TAFA5: variants seen among roughly 807,000 people sequenced by gnomAD.
The protein encoded by TAFA5 is chemokine-like protein TAFA-5.
In TAFA5, 6 loss-of-function variants were observed where a neutral mutation model predicts 15.3. The ratio of observed to expected loss-of-function variants is 0.39; its 90% CI spans 0.21 to 0.77. The LOEUF (loss-of-function observed/expected upper bound fraction) is 0.77, where lower values mean the gene tolerates loss of function less well. Ranked by LOEUF, TAFA5 falls within the 30% of genes least tolerant of loss-of-function variation. The pLI is 0.41. For synonymous variants in TAFA5, 103 were observed against 80.7 expected, an observed-to-expected ratio of 1.28 and a Z score of -1.48; for missense variants, 161 against 193.1, an observed-to-expected ratio of 0.83 and a Z score of 0.98.
At chr22:48,620,259 T>G (rs1160533137) in intron 1 of TAFA5, among the ~76,000 whole-genome samples, 1 of 152,036 alleles carries the variant, frequency 6.6e-6, no homozygotes, top group African/African-American at 2.4e-5. Flanking sequence ...CTGCAGCGTC[T>G]CCAGGTCCCT....
chr22:48,519,293 C>T (rs1389702628), intron 1 of TAFA5, among the ~76,000 whole-genome samples: 4 of 152,244 alleles, frequency 2.6e-5, no homozygotes, highest in South Asian at 2.1e-4. Context: ...CCAAGAATCC[C>T]GCGTCTTCCC....
intron 1 of TAFA5, among the ~76,000 whole-genome samples, chr22:48,492,506 G>A (rs191220509): frequency 2.6e-5 from 4 of 152,130 alleles, no homozygotes; most frequent in African/African-American, 4.8e-5. Context: ...GTGAGAGTCC[G>A]GCCTTCTTTC....
At chr22:48,667,110 C>G (rs556807117) in intron 2 of TAFA5, among the ~76,000 whole-genome samples, 311 of 152,278 alleles carry the variant, frequency 2.0e-3, no homozygotes, top group Non-Finnish European at 3.4e-3. Flanking sequence ...ACCCTCACCC[C>G]TCCCAGCATG....
In TAFA5 at chr22:48,602,497, G is replaced by A. The variant is rs999127978; in HGVS notation, c.113-44100G>A. On this transcript the variant is annotated intron_variant, in intron 1 of 3. Coordinates refer to ENST00000402357, the MANE Select transcript of TAFA5 (RefSeq NM_001082967.3). ...CATCCGTGGAGGTGGGTCCATCAGC[G>A]TTTCCACCTTGAGTACCTCTCACCC... Among the ~76,000 whole-genome samples the A allele has an allele frequency of 3.3e-5, 5 of 152,182 alleles. 1 individual carries two copies. Among genetic ancestry groups the A allele is most frequent in the Admixed American group, 2.6e-4 (4 of 15,282 alleles).
At chr22:48,573,918 C>T (rs1923671199) in intron 1 of TAFA5, among the ~76,000 whole-genome samples, 2 of 152,076 alleles carry the variant, frequency 1.3e-5, no homozygotes, top group Non-Finnish European at 2.9e-5. Context: ...CCTTTGGGGG[C>T]CAGGGGTGAG....
At chr22:48,528,808 G>A (rs1281393324) in intron 1 of TAFA5, among the ~76,000 whole-genome samples, 1 of 152,222 alleles carries the variant, frequency 6.6e-6, no homozygotes, top group Non-Finnish European at 1.5e-5. Flanking sequence ...CAGGAGCACT[G>A]GGGGAGAAGC....
intron 1 of TAFA5, among the ~76,000 whole-genome samples, chr22:48,637,787 C>G (rs1026975655): frequency 2.6e-5 from 4 of 151,926 alleles, no homozygotes; most frequent in East Asian, 1.9e-4. Flanking sequence ...CCAACACTTT[C>G]ACAGCCACTC....
At chr22:48,502,610 C>T (rs1047983701) in intron 1 of TAFA5, among the ~76,000 whole-genome samples, 4 of 148,132 alleles carry the variant, frequency 2.7e-5, no homozygotes, top group Admixed American at 1.3e-4. Flanking sequence ...CAGCCTCCAC[C>T]TCCCAGGTTC....
intron 1 of TAFA5, among the ~76,000 whole-genome samples, chr22:48,507,665 G>A (rs1921048207): frequency 6.6e-6 from 1 of 152,188 alleles, no homozygotes; most frequent in Admixed American, 6.5e-5. Flanking sequence ...CGCTTGGCCT[G>A]CGGAAGAGAG....
At chr22:48,614,379 C>G (rs757405754) in intron 1 of TAFA5, among the ~76,000 whole-genome samples, 2 of 152,216 alleles carry the variant, frequency 1.3e-5, no homozygotes, top group African/African-American at 4.8e-5. Flanking sequence ...GATACACAGA[C>G]GTTTACCCAT....
At chr22:48,645,920 G>C (rs536413204) in intron 1 of TAFA5, among the ~76,000 whole-genome samples, 1 of 152,252 alleles carries the variant, frequency 6.6e-6, no homozygotes, top group South Asian at 2.1e-4. Context: ...CCTTGTGTGC[G>C]GTCATGTGTG....
intron 2 of TAFA5, among the ~76,000 whole-genome samples, chr22:48,664,739 C>T (rs1171470148): frequency 6.6e-6 from 1 of 152,116 alleles, no homozygotes; most frequent in Non-Finnish European, 1.5e-5. Flanking sequence ...TCCCTCGTTA[C>T]GTCTGTGAGA....
intron 1 of TAFA5, among the ~76,000 whole-genome samples, chr22:48,619,190 G>C (rs917565275): frequency 1.3e-5 from 2 of 152,192 alleles, no homozygotes; most frequent in African/African-American, 4.8e-5. Flanking sequence ...CTCTGCCCAT[G>C]GTCAGTGGCC....
chr22:48,671,619 T>C (rs1927807050), intron 2 of TAFA5, among the ~76,000 whole-genome samples: 1 of 152,144 alleles, frequency 6.6e-6, no homozygotes, highest in African/African-American at 2.4e-5. Context: ...TCAGCGAGCC[T>C]GAGTTTAAAC....
chr22:48,650,932 A>G (rs1301001811), intron 2 of TAFA5, among the ~76,000 whole-genome samples: 1 of 152,184 alleles, frequency 6.6e-6, no homozygotes, highest in Non-Finnish European at 1.5e-5. Flanking sequence ...TTCCATCAGC[A>G]CACACGTGCT....
At chr22:48,559,950 G>A (rs915895632) in intron 1 of TAFA5, among the ~76,000 whole-genome samples, 2 of 152,172 alleles carry the variant, frequency 1.3e-5, no homozygotes, top group South Asian at 2.1e-4. Context: ...AGCCTGGCAC[G>A]GGAGGACCTG....
chr22:48,525,183 T>G (rs921380672), intron 1 of TAFA5, among the ~76,000 whole-genome samples: 1 of 152,034 alleles, frequency 6.6e-6, no homozygotes, highest in African/African-American at 2.4e-5. Flanking sequence ...CCCTTTGCCA[T>G]GTAGGGTGAC....
At chr22:48,595,777 C>T (rs147361484) in intron 1 of TAFA5, among the ~76,000 whole-genome samples, 39 of 152,384 alleles carry the variant, frequency 2.6e-4, no homozygotes, top group South Asian at 1.4e-3. Context: ...GTGCTCTAAT[C>T]CTTTAAGAAC....
intron 2 of TAFA5, among the ~76,000 whole-genome samples, chr22:48,661,812 A>ACTGGGGGC (rs1027448330): frequency 3.3e-5 from 5 of 152,174 alleles, no homozygotes; most frequent in Admixed American, 1.3e-4. Context: ...GCAGAAATGA[A>ACTGGGGGC]CTGGGGGCCT....
Sources: gnomAD v4.1 joint callset for allele counts (sites outside exome capture counted in the v4.1 genomes callset) on GRCh38, gnomAD v4.1.1 for gene constraint, MANE v1.5 for transcripts, NCBI Gene and HGNC (gene_info 2026-07-23, HGNC 2026-07-21) for gene names.